Variants in ZNF804B observed in about 807,000 individuals in gnomAD.
ZNF804B encodes the protein zinc finger 804B.
ZNF804B carries 80 observed loss-of-function variants against 101.4 expected under a neutral mutation model. The ratio of observed to expected loss-of-function variants is 0.79; its 90% CI spans 0.66 to 0.95. The LOEUF (loss-of-function observed/expected upper bound fraction) is 0.95, where lower values mean the gene tolerates loss of function less well. Among genes scored for constraint, ZNF804B ranks in the 40% least tolerant of loss-of-function variants. The pLI is 0.00. For synonymous variants in ZNF804B, 622 were observed against 558.8 expected (o/e 1.11, Z -1.59); for missense variants, 1,673 against 1,561.9 (o/e 1.07, Z -1.20).
At chr7:89,277,420 T>C (rs752124549) in intron 2 of ZNF804B, among the ~76,000 whole-genome samples, 1 of 139,718 alleles carries the variant, frequency 7.2e-6, no homozygotes, top group Non-Finnish European at 1.5e-5. Context: ...GCTGGTGCGC[T>C]GCACCCACTA....
chr7:88,936,121 T>A (rs1314902264), intron 1 of ZNF804B, among the ~76,000 whole-genome samples: 2 of 146,412 alleles, frequency 1.4e-5, no homozygotes, highest in Non-Finnish European at 3.0e-5. Context: ...TTAAAAAAAA[T>A]AACATATGCC....
chr7:89,013,710 G>A (rs78153897), intron 1 of ZNF804B, among the ~76,000 whole-genome samples: 3,700 of 152,132 alleles, frequency 0.024, 156 homozygotes, highest in African/African-American at 0.085. Flanking sequence ...CCGTTAGAAC[G>A]TAGTTCTCCT....
chr7:88,994,145 T>C (rs10274856), intron 1 of ZNF804B, among the ~76,000 whole-genome samples: 41,449 of 151,840 alleles, frequency 0.27, 5,759 homozygotes, highest in South Asian at 0.33. Context: ...AGTGAATGTC[T>C]TTGTATCTGA....
intron 2 of ZNF804B, among the ~76,000 whole-genome samples, chr7:89,302,608 T>A (rs1341281327): frequency 3.3e-5 from 5 of 151,918 alleles, no homozygotes; most frequent in African/African-American, 4.8e-5. Context: ...ATAAAATAAT[T>A]TCAATTCATA....
chr7:89,047,457 C>T (rs534366878), intron 1 of ZNF804B, among the ~76,000 whole-genome samples: 14 of 152,138 alleles, frequency 9.2e-5, no homozygotes, highest in East Asian at 5.8e-4. Flanking sequence ...TGGAAAGGAG[C>T]GCTTTATTAC....
At chr7:89,006,446 C>T (rs1788370004) in intron 1 of ZNF804B, among the ~76,000 whole-genome samples, 1 of 152,008 alleles carries the variant, frequency 6.6e-6, no homozygotes, top group Admixed American at 6.6e-5. Context: ...ACAAACCAGT[C>T]TTGAAACCTC....
At chr7:88,869,020 G>T (rs914142858) in intron 1 of ZNF804B, among the ~76,000 whole-genome samples, 5 of 152,076 alleles carry the variant, frequency 3.3e-5, no homozygotes, top group Non-Finnish European at 7.4e-5. Context: ...GGAGTGAGAA[G>T]AATCACCTAT....
At chr7:88,977,288 AT>A (rs35561668) in intron 1 of ZNF804B, among the ~76,000 whole-genome samples, 54,768 of 143,632 alleles carry the variant, frequency 0.38, 12,176 homozygotes, top group African/African-American at 0.64. Flanking sequence ...TTCATCCTCT[AT>A]TTTTTTTTTT....
At chr7:89,209,656 T>G (rs1374131426) in intron 1 of ZNF804B, among the ~76,000 whole-genome samples, 1 of 152,218 alleles carries the variant, frequency 6.6e-6, no homozygotes, top group Admixed American at 6.5e-5. Context: ...ACTCTAACAT[T>G]ATTCCAACAG....
chr7:89,271,351 T>G (rs1789890394), intron 2 of ZNF804B, among the ~76,000 whole-genome samples: 1 of 152,186 alleles, frequency 6.6e-6, no homozygotes, highest in South Asian at 2.1e-4. Flanking sequence ...TTGGTTCTGT[T>G]TATATGCTGG....
At chr7:89,104,656 T>C (rs1242407825) in intron 1 of ZNF804B, among the ~76,000 whole-genome samples, 1 of 152,030 alleles carries the variant, frequency 6.6e-6, no homozygotes, top group Non-Finnish European at 1.5e-5. Flanking sequence ...TTCACCTCTA[T>C]CAATGTTTTC....
Position 88,948,414 on chromosome 7 carries a change from C to T in ZNF804B, c.108+188330C>T, listed in dbSNP as rs971354401. 1.6e-4 allele frequency among the ~76,000 whole-genome samples: 23 copies of T among 144,240 alleles called. No individual in the cohort carries two copies. The East Asian group carries it at 4.9e-3, about 31-fold the overall frequency. 94.6% of individuals were successfully genotyped at this position (144,240 alleles called of 152,430 possible). On this transcript the variant is annotated intron_variant, in intron 1 of 3. Transcript: ENST00000333190. ...CAGCCTCAACCTCCAAGGCTATGAA[C>T]TTTAAAACAAAGCTTACCCTTCCAA...
chr7:89,186,623 A>G (rs1168931837), intron 1 of ZNF804B, among the ~76,000 whole-genome samples: 1 of 148,278 alleles, frequency 6.7e-6, no homozygotes, highest in Non-Finnish European at 1.5e-5. Flanking sequence ...TTTTTTTTTT[A>G]CAATCTTCTT....
chr7:89,132,169 TACAC>T lies in ZNF804B; in HGVS notation c.109-85954_109-85951del, dbSNP rs59188340. On this transcript the variant is annotated intron_variant, in intron 1 of 3. Coordinates refer to ENST00000333190, the MANE Select transcript of ZNF804B (RefSeq NM_181646.5). ...ACAGGAATGAGAACACACGCACACATACACACACACACACACACACACACACACA... is the reference window on the plus strand; with the variant it reads ...ACAGGAATGAGAACACACGCACACATACACACACACACACACACACACACA... Among the ~76,000 whole-genome samples, 647 of 131,372 alleles carry T rather than the reference TACAC, an allele frequency of 4.9e-3. 2 individuals carry two copies. The highest frequency in any genetic ancestry group is 0.01 in the East Asian group (49 of 4,814). The allele number at this position is 131,372 out of a possible 152,430, so 86.2% of individuals were successfully genotyped here.
chr7:88,836,940 G>A (rs527857522), intron 1 of ZNF804B, among the ~76,000 whole-genome samples: 1 of 151,970 alleles, frequency 6.6e-6, no homozygotes, highest in African/African-American at 2.4e-5. Flanking sequence ...ATAGTTTTTG[G>A]TTTTTCTTTT....
chr7:88,979,448 A>G (rs1048755278), intron 1 of ZNF804B, among the ~76,000 whole-genome samples: 78 of 151,864 alleles, frequency 5.1e-4, no homozygotes, highest in African/African-American at 1.7e-3. Flanking sequence ...TTCACTGGAT[A>G]TACTATAGAT....
chr7:89,298,789 T>C (rs1010390420), intron 2 of ZNF804B, among the ~76,000 whole-genome samples: 1 of 151,988 alleles, frequency 6.6e-6, no homozygotes, highest in African/African-American at 2.4e-5. Context: ...GGTAAATATA[T>C]GTTCAATTTT....
At chr7:89,213,727 T>A (rs1788839711) in intron 1 of ZNF804B, among the ~76,000 whole-genome samples, 1 of 152,222 alleles carries the variant, frequency 6.6e-6, no homozygotes, top group African/African-American at 2.4e-5. Flanking sequence ...GTATGGTGAA[T>A]CACGCCTCTG....
At chr7:88,857,530 C>A (rs186310122) in intron 1 of ZNF804B, among the ~76,000 whole-genome samples, 5 of 152,212 alleles carry the variant, frequency 3.3e-5, no homozygotes, top group Admixed American at 2.6e-4. Flanking sequence ...GGATAAATTC[C>A]TGGACACCTA....
Sources: gnomAD v4.1 joint callset for allele counts (sites outside exome capture counted in the v4.1 genomes callset) on GRCh38, gnomAD v4.1.1 for gene constraint, MANE v1.5 for transcripts, NCBI Gene and HGNC (gene_info 2026-07-23, HGNC 2026-07-21) for gene names.